NOP58: variants seen among roughly 807,000 people sequenced by gnomAD.
NOP58 encodes the protein nucleolar protein 58.
A neutral mutation model predicts 71.2 loss-of-function variants in NOP58; 44 were observed. The ratio of observed to expected loss-of-function variants is 0.62; its 90% CI spans 0.49 to 0.79. The LOEUF is 0.79. Among genes scored for constraint, NOP58 ranks in the 30% least tolerant of loss-of-function variants. The probability of loss-of-function intolerance (pLI) is 0.00; values close to 1 mark genes in which losing one functional copy is unlikely to be tolerated. For synonymous variants in NOP58, 228 were observed against 200.3 expected (o/e 1.14, Z -1.17); for missense variants, 538 against 620.2 (o/e 0.87, Z 1.41).
At chr2:202,273,556 AACAG>A (rs1320240597) in intron 1 of NOP58, among the ~76,000 whole-genome samples, 1 of 152,246 alleles carries the variant, frequency 6.6e-6, no homozygotes, top group African/African-American at 2.4e-5. Context: ...TTGTTGTTAC[AACAG>A]TACTAGTTTT....
intron 9 of NOP58, chr2:202,293,205 T>G (rs1037484494): frequency 1.3e-5 from 7 of 533,626 alleles, no homozygotes; most frequent in African/African-American, 9.5e-5. Flanking sequence ...GATAAAACAG[T>G]TAACATTTTC....
chr2:202,280,885 C>T (rs927510333), intron 3 of NOP58, among the ~76,000 whole-genome samples: 2 of 151,354 alleles, frequency 1.3e-5, no homozygotes, highest in African/African-American at 4.9e-5. Flanking sequence ...CCACCACGCT[C>T]ACCTAATTTT....
chr2:202,302,604 C>T (rs1330694627), intron 13 of NOP58, among the ~76,000 whole-genome samples: 8 of 152,206 alleles, frequency 5.3e-5, no homozygotes, highest in Non-Finnish European at 8.8e-5. Context: ...CGTCTGACTT[C>T]AGAGTGCAAG....
At position 202,265,974 on chromosome 2, in the gene NOP58, C is replaced by T. The variant is rs1429810970; in HGVS notation, c.33C>T (p.Tyr11=). Residue 11 remains tyrosine (Y), a synonymous_variant, in exon 1 of 15, where the codon TAC becomes TAT. Transcript: ENST00000264279. ...TGCTGTTTGAAACGTCTGTGGGTTA[C>T]GCCATCTTTAAGGTAGGTGGGAGAG... is the stretch of plus-strand genomic sequence containing the variant. The part of the protein sequence containing the change: MLVLFETSVG[Y]AIFKVLNEKK... 1.2e-6 allele frequency: 2 copies of T among 1,614,020 alleles called. No homozygotes were observed. Among genetic ancestry groups the T allele is most frequent in the East Asian group, 2.2e-5 (1 of 44,894 alleles).
rs1689068442 is a variant in NOP58, at chr2:202,300,229, T to C, written c.1269-5T>C. The C allele has an allele frequency of 6.3e-7, 1 of 1,575,292 alleles. No individual in the cohort carries two copies. Among genetic ancestry groups the C allele is most frequent in the African/African-American group, 1.4e-5 (1 of 72,110 alleles). ...AGATTTTCTAAAACTTTTTGGGTCT[T>C]TCAGTGAAGTGAAGACTTACGATCC... On this transcript the variant is annotated splice_region_variant and splice_polypyrimidine_tract_variant and intron_variant, in intron 12 of 14. Coordinates refer to ENST00000264279, the MANE Select transcript of NOP58 (RefSeq NM_015934.5).
rs144980468 is a variant in NOP58 at position 202,283,119 on chromosome 2, C to T, written c.297+647C>T. Among the ~76,000 whole-genome samples, 511 of 152,230 alleles carry T rather than the reference C, an allele frequency of 3.4e-3. 1 individual carries two copies. Among genetic ancestry groups the T allele is most frequent in the Non-Finnish European group, 4.5e-3 (304 of 68,010 alleles). On this transcript the variant is annotated intron_variant, in intron 4 of 14. Transcript: ENST00000264279. ...TCCCAGCTAATTGGGAGTGCAGTGG[C>T]GCAGTCTCACAGCTCACTGCAGACT...
chr2:202,298,192 C>T (rs1574389606), intron 12 of NOP58, among the ~76,000 whole-genome samples: 1 of 152,284 alleles, frequency 6.6e-6, no homozygotes, highest in East Asian at 1.9e-4. Flanking sequence ...ACATTGTTAG[C>T]TGTAGTTAAC....
intron 8 of NOP58, among the ~76,000 whole-genome samples, chr2:202,291,787 CA>C (rs1688902704): frequency 1.6e-5 from 1 of 63,830 alleles, no homozygotes; most frequent in African/African-American, 6.3e-5. Flanking sequence ...GCCTGGGCAA[CA>C]AGAGCAAAAC....
rs200846596 is a variant in NOP58, at chr2:202,270,946, G to A, written c.46-4167G>A. Among the ~76,000 whole-genome samples the A allele has an allele frequency of 1.5e-4, 22 of 151,676 alleles. No individual in the cohort carries two copies. The East Asian group carries it at 4.3e-3, about 30-fold the overall frequency. ...CTACTAAAAATACAAAAATTAGCCG[G>A]GCATGGTGGTGTGTGTCGCCAAATC... On this transcript the variant is annotated intron_variant, in intron 1 of 14. Coordinates refer to ENST00000264279, the MANE Select transcript of NOP58 (RefSeq NM_015934.5).
chr2:202,285,634 C>T (rs980049710), intron 5 of NOP58, among the ~76,000 whole-genome samples: 20 of 152,166 alleles, frequency 1.3e-4, no homozygotes, highest in African/African-American at 4.8e-4. Context: ...AGCCACCATG[C>T]CCAGTCTTCT....
chr2:202,281,120 C>CT (rs1315065262), intron 3 of NOP58, among the ~76,000 whole-genome samples: 2 of 150,362 alleles, frequency 1.3e-5, no homozygotes, highest in African/African-American at 4.9e-5. Flanking sequence ...AAGCATTTTT[C>CT]TTTTCTTTTT....
intron 4 of NOP58, 115 bp from the exon 5 acceptor site, chr2:202,284,230 G>T: frequency 1.3e-6 from 1 of 775,602 alleles, no homozygotes; most frequent in South Asian, 2.1e-5. Flanking sequence ...CCAAGATTGC[G>T]CCACTGCACT....
rs778209509 is a variant in NOP58 at position 202,297,364 on chromosome 2, A to T, written c.1072-15A>T. 5.6e-6 allele frequency: 9 copies of T among 1,608,762 alleles called. No individual in the cohort carries two copies. In the African/African-American group the frequency reaches 1.2e-4, roughly 22 times the overall value. On this transcript the variant is annotated splice_polypyrimidine_tract_variant and intron_variant, in intron 10 of 14. Transcript: ENST00000264279. Reference sequence around the variant, plus strand: ...ATCTGAACATGGAATATAGTTCTTCATGTTTTTCTATTAGATTTCTCGAAT... The same window carrying T: ...ATCTGAACATGGAATATAGTTCTTCTTGTTTTTCTATTAGATTTCTCGAAT...
At chr2:202,274,834 G>A (rs1228981869) in intron 1 of NOP58, among the ~76,000 whole-genome samples, 1 of 152,116 alleles carries the variant, frequency 6.6e-6, no homozygotes, top group Non-Finnish European at 1.5e-5. Context: ...CCAAGGCTGG[G>A]GCAGGAATAT....
At chr2:202,284,970 C>T (rs1162171226) in intron 5 of NOP58, among the ~76,000 whole-genome samples, 1 of 152,032 alleles carries the variant, frequency 6.6e-6, no homozygotes, top group African/African-American at 2.4e-5. Flanking sequence ...TTTGGGAGAC[C>T]AGGAGTTTGA....
chr2:202,293,276 G>GAA (rs61054070), intron 9 of NOP58: 137 of 295,776 alleles, frequency 4.6e-4, no homozygotes, highest in African/African-American at 2.9e-3. Flanking sequence ...TGTAGAGAAA[G>GAA]AAAAAAAAAA....
intron 10 of NOP58, among the ~76,000 whole-genome samples, chr2:202,296,720 T>TGTTC (rs1430543211): frequency 6.7e-6 from 1 of 148,492 alleles, no homozygotes; most frequent in Non-Finnish European, 1.5e-5. Flanking sequence ...CGCTTTTTTT[T>TGTTC]GTTTGTTTGT....
At chr2:202,266,534 T>C (rs989971397) in intron 1 of NOP58, among the ~76,000 whole-genome samples, 7 of 152,244 alleles carry the variant, frequency 4.6e-5, no homozygotes, top group Admixed American at 4.6e-4. Flanking sequence ...CAGGCTGGTC[T>C]TGAACTCCTG....
rs1345060710 is a variant in NOP58 at position 202,292,848 on chromosome 2, C to A, written c.852C>A (p.Pro284=). The A allele has an allele frequency of 6.2e-7, 1 of 1,613,696 alleles. No homozygotes were observed. The highest frequency in any genetic ancestry group is 1.1e-5 in the South Asian group (1 of 91,074). The change falls in exon 9 of 15, where the codon CCC becomes CCA. Residue 284 remains proline, a synonymous_variant. Transcript: ENST00000264279. ...AAAATCGAATGATGGCCATTGCACC[C>A]AATGTTACAGTCATGGTTGGGGAAT... ...YLQNRMMAIA[P]NVTVMVGELV... is the part of the protein sequence containing the mutation.
Sources: gnomAD v4.1 joint callset for allele counts (sites outside exome capture counted in the v4.1 genomes callset) on GRCh38, gnomAD v4.1.1 for gene constraint, MANE v1.5 for transcripts, NCBI Gene and HGNC (gene_info 2026-07-23, HGNC 2026-07-21) for gene names.